The following ATOH1 variants were observed in gnomAD, a reference collection of about 807,000 sequenced individuals.
ATOH1 encodes atonal bHLH transcription factor 1, also known as transcription factor ATOH1.
Under a neutral mutation model 20.7 loss-of-function variants are expected in ATOH1, and 9 were observed. The ratio of observed to expected loss-of-function variants is 0.44; its 90% CI spans 0.26 to 0.76. The LOEUF (loss-of-function observed/expected upper bound fraction) is 0.76, where lower values mean the gene tolerates loss of function less well. ATOH1 is among the 30% of genes least tolerant of loss of function. The pLI, the probability that ATOH1 is intolerant of heterozygous loss-of-function variation, is 0.20. For synonymous variants in ATOH1, 247 were observed against 214.3 expected (o/e 1.15, Z -1.33); for missense variants, 516 against 479.3 (o/e 1.08, Z -0.71).
At position 93,828,837 on chromosome 4, in the gene ATOH1, G is replaced by T; in HGVS notation, c.-90G>T. ...AGGAGGGAAAAAAAAATAAGACGTT[G>T]CAGAAGAGACCCGGAAAGGGCCTTT... On this transcript the variant is annotated 5_prime_UTR_variant, in exon 1 of 1. Coordinates refer to ENST00000306011, the MANE Select transcript of ATOH1 (RefSeq NM_005172.2). 1.4e-6 allele frequency: 2 copies of T among 1,393,706 alleles called. No individual in the cohort carries two copies. The highest frequency in any genetic ancestry group is 1.9e-6 in the Non-Finnish European group (2 of 1,044,844). 86.3% of individuals were successfully genotyped at this position (1,393,706 alleles called of 1,614,324 possible).
At position 93,828,906 on chromosome 4, in the gene ATOH1, C is replaced by G. The variant is rs756514006; in HGVS notation, c.-21C>G. The G allele has an allele frequency of 6.4e-7, 1 of 1,552,550 alleles. No individual in the cohort carries two copies. Among genetic ancestry groups the G allele is most frequent in the South Asian group, 1.2e-5 (1 of 81,048 alleles). ...TCCCAGTGCTGCCTCCGATCCTGAG[C>G]CTCCGAGCCTTTGCAGTGCAATGTC... On this transcript the variant is annotated 5_prime_UTR_variant, in exon 1 of 1. Transcript: ENST00000306011.
At position 93,829,980 on chromosome 4, in the gene ATOH1, G is replaced by A. The variant is rs1410956817; in HGVS notation, c.1054G>A (p.Glu352Lys). 1 of 1,596,070 alleles carries A rather than the reference G, an allele frequency of 6.3e-7. No individual in the cohort carries two copies. Among genetic ancestry groups the A allele is most frequent in the Non-Finnish European group, 8.5e-7 (1 of 1,171,296 alleles). ...SPHSHYSDSD[E>K]AS is the part of the protein sequence containing the mutation. The stretch of plus-strand genomic sequence containing the variant: ...CCATTCCCATTACAGTGACTCGGAT[G>A]AGGCAAGTTAGGAAGGTGACAGAAG... The change falls in exon 1 of 1, where the codon GAG becomes AAG. Residue 352 changes from glutamate to lysine, a missense_variant. Transcript: ENST00000306011. The surrounding 1 kb of genome is among the most constrained non-coding windows in gnomAD (Gnocchi z 4.5).
chr4:93,830,208 C>A lies in ATOH1; in HGVS notation c.*217C>A. ...TACGGTCCATATTGTTTGATGAAAA[C>A]TTTCTGTTAAAATTGTGTCCTTTCC... On this transcript the variant is annotated 3_prime_UTR_variant, in exon 1 of 1. Transcript: ENST00000306011. 1 of 1,067,106 alleles carries A rather than the reference C, an allele frequency of 9.4e-7. No individual in the cohort carries two copies. Among genetic ancestry groups the A allele is most frequent in the Non-Finnish European group, 1.3e-6 (1 of 790,710 alleles). The allele number at this position is 1,067,106 out of a possible 1,614,324, so 66.1% of individuals were successfully genotyped here.
In ATOH1 at chr4:93,829,578, C is replaced by A; in HGVS notation, c.652C>A (p.Pro218Thr). The A allele has an allele frequency of 6.2e-7, 1 of 1,614,166 alleles. No individual in the cohort carries two copies. The highest frequency in any genetic ancestry group is 8.5e-7 in the Non-Finnish European group (1 of 1,180,004). Reference sequence around the variant, plus strand: ...CGCCTTGTCCGAGCTGCTACAAACGCCCAGCGGAGGGGAACAGCCACCGCC... The same window carrying A: ...CGCCTTGTCCGAGCTGCTACAAACGACCAGCGGAGGGGAACAGCCACCGCC... ...INALSELLQT[P>T]SGGEQPPPPP... The change falls in exon 1 of 1, where the codon CCC becomes ACC. Residue 218 changes from proline (P) to threonine (T), a missense_variant. Pro to Thr is a conservative substitution (Grantham distance 38). Coordinates refer to ENST00000306011, the MANE Select transcript of ATOH1 (RefSeq NM_005172.2). This position sits in a 1 kb window ranked among gnomAD's most constrained non-coding sequence, Gnocchi z 4.5.
rs1031977886 is a variant in ATOH1 at position 93,830,107 on chromosome 4, T to C, written c.*116T>C. On this transcript the variant is annotated 3_prime_UTR_variant, in exon 1 of 1. Coordinates refer to ENST00000306011, the MANE Select transcript of ATOH1 (RefSeq NM_005172.2). ...TTTAATTTTTGCTCTGCGATGGTCG[T>C]TGTTTAGCAACGACTTGGCTTCAGA... The C allele has an allele frequency of 4.9e-6, 7 of 1,438,688 alleles. No individual in the cohort carries two copies. In the African/African-American group the frequency reaches 7.2e-5, roughly 15 times the overall value. The allele number at this position is 1,438,688 out of a possible 1,614,324, so 89.1% of individuals were successfully genotyped here.
At position 93,829,592 on chromosome 4, in the gene ATOH1, A is replaced by T. The variant is rs888717321; in HGVS notation, c.666A>T (p.Glu222Asp). Residue 222 changes from glutamate to aspartate, a missense_variant, in exon 1 of 1, where the codon GAA becomes GAT. By Grantham distance (45) the Glu-to-Asp change is conservative. Coordinates refer to ENST00000306011, the MANE Select transcript of ATOH1 (RefSeq NM_005172.2). The surrounding 1 kb of genome is among the most constrained non-coding windows in gnomAD (Gnocchi z 4.5). Reference sequence around the variant, plus strand: ...TGCTACAAACGCCCAGCGGAGGGGAACAGCCACCGCCGCCTCCAGCCTCCT... The same window carrying T: ...TGCTACAAACGCCCAGCGGAGGGGATCAGCCACCGCCGCCTCCAGCCTCCT... ...SELLQTPSGG[E>D]QPPPPPASCK... 6.2e-7 allele frequency: 1 copy of T among 1,613,924 alleles called. No individual in the cohort carries two copies.
In ATOH1 at chr4:93,829,292, G is replaced by A. The variant is rs1382947832; in HGVS notation, c.366G>A (p.Val122=). The A allele has an allele frequency of 6.2e-7, 1 of 1,611,130 alleles. No individual in the cohort carries two copies. The highest frequency in any genetic ancestry group is 8.5e-7 in the Non-Finnish European group (1 of 1,178,104). ...GASSSKSPGP[V]KVREQLCKLK... ...GCAGCAGCAAGAGCCCCGGGCCGGT[G>A]AAAGTGCGGGAACAGCTGTGCAAGC... Residue 122 remains valine, a synonymous_variant, in exon 1 of 1, where the codon GTG becomes GTA. Coordinates refer to ENST00000306011, the MANE Select transcript of ATOH1 (RefSeq NM_005172.2). The surrounding 1 kb of genome is among the most constrained non-coding windows in gnomAD (Gnocchi z 4.5).
chr4:93,829,656 T>C lies in ATOH1; in HGVS notation c.730T>C (p.Tyr244His). 6.3e-7 allele frequency: 1 copy of C among 1,586,406 alleles called. No individual in the cohort carries two copies. The highest frequency in any genetic ancestry group is 1.8e-5 in the Admixed American group (1 of 56,332). Residue 244 changes from tyrosine (Y) to histidine (H), a missense_variant, in exon 1 of 1, where the codon TAT (tyrosine) becomes CAT (histidine). Coordinates refer to ENST00000306011, the MANE Select transcript of ATOH1 (RefSeq NM_005172.2). This position sits in a 1 kb window ranked among gnomAD's most constrained non-coding sequence, Gnocchi z 4.5. ...DHHHLRTAAS[Y>H]EGGAGNATAA... Reference sequence around the variant, plus strand: ...CCACCACCTTCGCACCGCGGCCTCCTATGAAGGGGGCGCGGGCAACGCGAC... The same window carrying C: ...CCACCACCTTCGCACCGCGGCCTCCCATGAAGGGGGCGCGGGCAACGCGAC...
Position 93,830,059 on chromosome 4 carries a change from C to G in ATOH1, c.*68C>G. ...CCCTTTCCCAGTGCGCGGGAAGCCC[C>G]GCGGTTAAAGATCCCCGCACCCTTT... On this transcript the variant is annotated 3_prime_UTR_variant, in exon 1 of 1. Transcript: ENST00000306011. 1.3e-6 allele frequency: 2 copies of G among 1,513,108 alleles called. No homozygotes were observed. The highest frequency in any genetic ancestry group is 1.8e-4 in the Middle Eastern group (1 of 5,474). The allele number at this position is 1,513,108 out of a possible 1,614,324, so 93.7% of individuals were successfully genotyped here. A position where few individuals can be genotyped will look rare whatever the true frequency, so the allele number is the denominator to read the frequency against.
At position 93,830,164 on chromosome 4, in the gene ATOH1, G is replaced by A. The variant is rs547309428; in HGVS notation, c.*173G>A. ...CTACATTTGATGGTTTGCAAATGCC[G>A]CCGCTGTTCCAAACTTCCTACGGTC... is the stretch of plus-strand genomic sequence containing the variant. On this transcript the variant is annotated 3_prime_UTR_variant, in exon 1 of 1. Coordinates refer to ENST00000306011, the MANE Select transcript of ATOH1 (RefSeq NM_005172.2). 2.2e-6 allele frequency: 3 copies of A among 1,346,606 alleles called. No individual in the cohort carries two copies. The highest frequency in any genetic ancestry group is 3.4e-5 in the Admixed American group (1 of 29,170). The allele number at this position is 1,346,606 out of a possible 1,614,324, so 83.4% of individuals were successfully genotyped here. A position where few individuals can be genotyped will look rare whatever the true frequency, so the allele number is the denominator to read the frequency against.
At position 93,829,079 on chromosome 4, in the gene ATOH1, T is replaced by A; in HGVS notation, c.153T>A (p.Pro51=). ...LQAREHPVYP[P]ELSLLDSTDP... ...CGAGAGAGCATCCCGTCTACCCGCC[T>A]GAGCTGTCCCTCCTGGACAGCACCG... The change falls in exon 1 of 1, where the codon CCT becomes CCA. Residue 51 remains proline (P), a synonymous_variant. Coordinates refer to ENST00000306011, the MANE Select transcript of ATOH1 (RefSeq NM_005172.2). This position sits in a 1 kb window ranked among gnomAD's most constrained non-coding sequence, Gnocchi z 4.5. The A allele has an allele frequency of 1.2e-6, 2 of 1,613,822 alleles. No homozygotes were observed. Among genetic ancestry groups the A allele is most frequent in the Non-Finnish European group, 1.7e-6 (2 of 1,179,964 alleles).
Position 93,830,170 on chromosome 4 carries a change from G to T in ATOH1, c.*179G>T. 1 of 1,307,860 alleles carries T rather than the reference G, an allele frequency of 7.6e-7. No homozygotes were observed. Among genetic ancestry groups the T allele is most frequent in the South Asian group, 1.8e-5 (1 of 55,138 alleles). 81.0% of individuals were successfully genotyped at this position (1,307,860 alleles called of 1,614,324 possible). On this transcript the variant is annotated 3_prime_UTR_variant, in exon 1 of 1. Transcript: ENST00000306011. ...TTGATGGTTTGCAAATGCCGCCGCT[G>T]TTCCAAACTTCCTACGGTCCATATT...
In ATOH1 at chr4:93,829,231, G is replaced by A. The variant is rs769812244; in HGVS notation, c.305G>A (p.Arg102Gln). The change falls in exon 1 of 1, where the codon CGG becomes CAG. Residue 102 changes from arginine (R) to glutamine (Q), a missense_variant. By Grantham distance (43) the Arg-to-Gln change is conservative. Coordinates refer to ENST00000306011, the MANE Select transcript of ATOH1 (RefSeq NM_005172.2). The surrounding 1 kb of genome is among the most constrained non-coding windows in gnomAD (Gnocchi z 4.5). Reference sequence around the variant, plus strand: ...GCGCCCCGGGACGAGGTGGACGGCCGGGGGGAGCTGGTAAGGAGGAGCAGC... The same window carrying A: ...GCGCCCCGGGACGAGGTGGACGGCCAGGGGGAGCTGGTAAGGAGGAGCAGC... ...AAAPRDEVDG[R>Q]GELVRRSSGG... 3.1e-6 allele frequency: 5 copies of A among 1,587,638 alleles called. No homozygotes were observed. The Admixed American group carries it at 5.1e-5, about 16-fold the overall frequency.
In ATOH1 at chr4:93,828,769, A is replaced by T. The variant is rs1735382776; in HGVS notation, c.-158A>T. 5 of 767,458 alleles carry T rather than the reference A, an allele frequency of 6.5e-6. 1 individual carries two copies. The South Asian group carries it at 7.4e-5, about 11-fold the overall frequency. 47.5% of individuals were successfully genotyped at this position (767,458 alleles called of 1,614,324 possible). On this transcript the variant is annotated 5_prime_UTR_variant, in exon 1 of 1. Transcript: ENST00000306011. The stretch of plus-strand genomic sequence containing the variant: ...TCAGCAACCGGAGAAGCATAGTTGC[A>T]CGCGACCTGGTGTGTGATCTCCGAG...
Position 93,829,601 on chromosome 4 carries a change from G to A in ATOH1, c.675G>A (p.Pro225=), listed in dbSNP as rs765269254. 1.2e-5 allele frequency: 20 copies of A among 1,613,248 alleles called. No individual in the cohort carries two copies. In the South Asian group the frequency reaches 1.3e-4, roughly 11 times the overall value. ...CGCCCAGCGGAGGGGAACAGCCACC[G>A]CCGCCTCCAGCCTCCTGCAAAAGCG... ...LQTPSGGEQP[P]PPPASCKSDH... The change falls in exon 1 of 1, where the codon CCG becomes CCA. Residue 225 remains proline (P), a synonymous_variant. Transcript: ENST00000306011. The surrounding 1 kb of genome is among the most constrained non-coding windows in gnomAD (Gnocchi z 4.5).
Position 93,830,139 on chromosome 4 carries a change from C to A in ATOH1, c.*148C>A. 2 of 1,407,520 alleles carry A rather than the reference C, an allele frequency of 1.4e-6. No homozygotes were observed. The highest frequency in any genetic ancestry group is 1.9e-6 in the Non-Finnish European group (2 of 1,075,898). 87.2% of individuals were successfully genotyped at this position (1,407,520 alleles called of 1,614,324 possible). ...GCAACGACTTGGCTTCAGATGGCAG[C>A]TACATTTGATGGTTTGCAAATGCCG... On this transcript the variant is annotated 3_prime_UTR_variant, in exon 1 of 1. Coordinates refer to ENST00000306011, the MANE Select transcript of ATOH1 (RefSeq NM_005172.2).
At position 93,828,914 on chromosome 4, in the gene ATOH1, C is replaced by A. The variant is rs768718867; in HGVS notation, c.-13C>A. On this transcript the variant is annotated 5_prime_UTR_variant, in exon 1 of 1. Transcript: ENST00000306011. ...CTGCCTCCGATCCTGAGCCTCCGAG[C>A]CTTTGCAGTGCAATGTCCCGCCTGC... The A allele has an allele frequency of 1.9e-6, 3 of 1,569,072 alleles. No individual in the cohort carries two copies. The highest frequency in any genetic ancestry group is 1.8e-4 in the Middle Eastern group (1 of 5,556).
Position 93,829,214 on chromosome 4 carries a change from G to C in ATOH1, c.288G>C (p.Arg96=), listed in dbSNP as rs752995405. 1.9e-6 allele frequency: 3 copies of C among 1,584,508 alleles called. 1 individual carries two copies. In the South Asian group the frequency reaches 3.5e-5, roughly 18 times the overall value. ...GTGCCTCAGAGGCCGCTGCGCCCCGGGACGAGGTGGACGGCCGGGGGGAGC... is the reference window on the plus strand; with the variant it reads ...GTGCCTCAGAGGCCGCTGCGCCCCGCGACGAGGTGGACGGCCGGGGGGAGC... The part of the protein sequence containing the change: ...ELGASEAAAP[R]DEVDGRGELV... The change falls in exon 1 of 1, where the codon CGG becomes CGC. Residue 96 remains arginine (R), a synonymous_variant. Transcript: ENST00000306011. This position sits in a 1 kb window ranked among gnomAD's most constrained non-coding sequence, Gnocchi z 4.5.
rs1735397009 is a variant in ATOH1 at position 93,829,371 on chromosome 4, T to A, written c.445T>A (p.Ser149Thr). ...GGGCTGCAGCCGCCAACGGGCCCCTTCCAGCAAACAGGTGAATGGGGTGCA... is the reference window on the plus strand; with the variant it reads ...GGGCTGCAGCCGCCAACGGGCCCCTACCAGCAAACAGGTGAATGGGGTGCA... ...ELGCSRQRAP[S>T]SKQVNGVQKQ... The change falls in exon 1 of 1, where the codon TCC becomes ACC. Residue 149 changes from serine (S) to threonine (T), a missense_variant. Ser to Thr is a moderately conservative substitution (Grantham distance 58). Coordinates refer to ENST00000306011, the MANE Select transcript of ATOH1 (RefSeq NM_005172.2). This position sits in a 1 kb window ranked among gnomAD's most constrained non-coding sequence, Gnocchi z 4.5. 1 of 1,614,106 alleles carries A rather than the reference T, an allele frequency of 6.2e-7. No individual in the cohort carries two copies.
Sources: allele counts gnomAD v4.1 joint callset, GRCh38; gene constraint gnomAD v4.1.1; non-coding constraint Gnocchi (gnomAD v3.1); transcripts MANE v1.5; gene names NCBI Gene and HGNC (gene_info 2026-07-23, HGNC 2026-07-21).